Variants in GRM7 observed in about 807,000 individuals in gnomAD.
GRM7 encodes glutamate metabotropic receptor 7.
GRM7 carries 35 observed loss-of-function variants against 84.5 expected under a neutral mutation model. The observed-to-expected ratio is 0.41, with a 90% CI of 0.32 to 0.55. GRM7 has a LOEUF of 0.55. Ranked by LOEUF, GRM7 falls within the 20% of genes least tolerant of loss-of-function variation. The pLI, the probability that GRM7 is intolerant of heterozygous loss-of-function variation, is 0.19. For synonymous variants in GRM7, 487 were observed against 455.1 expected, an observed-to-expected ratio of 1.07 and a Z score of -0.89; for missense variants, 1,003 against 1,194.6, an observed-to-expected ratio of 0.84 and a Z score of 2.36.
chr3:7,690,404 T>C (rs1460752480), intron 9 of GRM7, among the ~76,000 whole-genome samples: 1 of 152,128 alleles, frequency 6.6e-6, no homozygotes, highest in African/African-American at 2.4e-5. Flanking sequence ...TAATAAATAT[T>C]ATAAAAATAA....
chr3:7,300,884 G>T (rs549754978), intron 3 of GRM7, among the ~76,000 whole-genome samples: 4 of 152,028 alleles, frequency 2.6e-5, no homozygotes, highest in African/African-American at 7.2e-5. Context: ...TGCTTCTTTC[G>T]ACTTGCTTTT....
intron 2 of GRM7, among the ~76,000 whole-genome samples, chr3:7,283,204 A>G (rs927431203): frequency 6.6e-6 from 1 of 152,154 alleles, no homozygotes; most frequent in African/African-American, 2.4e-5. Flanking sequence ...GGCACTGGAC[A>G]CTTCCCAGCT....
chr3:7,660,053 A>T (rs1002855578), intron 8 of GRM7, among the ~76,000 whole-genome samples: 1 of 152,242 alleles, frequency 6.6e-6, no homozygotes, highest in Non-Finnish European at 1.5e-5. Flanking sequence ...ATAGGTAGAT[A>T]AAATATAGGA....
At chr3:7,361,936 G>A (rs1693682265) in intron 4 of GRM7, among the ~76,000 whole-genome samples, 1 of 152,062 alleles carries the variant, frequency 6.6e-6, no homozygotes, top group Non-Finnish European at 1.5e-5. Flanking sequence ...TAGAACTGGA[G>A]GCTCTCTAGG....
intron 1 of GRM7, among the ~76,000 whole-genome samples, chr3:7,025,805 G>C (rs1456574943): frequency 2.6e-5 from 4 of 152,184 alleles, no homozygotes; most frequent in South Asian, 2.1e-4. Context: ...ACAATTGAGA[G>C]AATGGCACTG....
At chr3:7,039,347 GT>G (rs933639426) in intron 1 of GRM7, among the ~76,000 whole-genome samples, 74 of 152,250 alleles carry the variant, frequency 4.9e-4, no homozygotes, top group African/African-American at 1.7e-3. Flanking sequence ...ATGAGAAAGT[GT>G]TTTTTAAAAA....
chr3:7,587,813 T>G (rs1356596671), intron 8 of GRM7, among the ~76,000 whole-genome samples: 1 of 152,122 alleles, frequency 6.6e-6, no homozygotes, highest in Non-Finnish European at 1.5e-5. Context: ...ACCTGAAGGG[T>G]GCAGAAGAAT....
intron 4 of GRM7, among the ~76,000 whole-genome samples, chr3:7,345,053 T>C (rs1692827403): frequency 6.6e-6 from 1 of 152,098 alleles, no homozygotes; most frequent in Admixed American, 6.6e-5. Context: ...CAGTTATGTG[T>C]CAATTAAAAC....
intron 1 of GRM7, among the ~76,000 whole-genome samples, chr3:6,904,906 A>G (rs979791987): frequency 2.6e-5 from 4 of 151,986 alleles, no homozygotes; most frequent in South Asian, 2.1e-4. Context: ...TTTTTTCTGT[A>G]GAGACTGGGT....
At chr3:7,041,026 G>A (rs1696587154) in intron 1 of GRM7, among the ~76,000 whole-genome samples, 1 of 149,308 alleles carries the variant, frequency 6.7e-6, no homozygotes, top group Non-Finnish European at 1.5e-5. Flanking sequence ...AAGGCTGCAA[G>A]CCATGATCGT....
intron 8 of GRM7, among the ~76,000 whole-genome samples, chr3:7,617,872 A>T (rs1339400544): frequency 1.3e-5 from 2 of 152,128 alleles, no homozygotes; most frequent in Admixed American, 6.6e-5. Context: ...CAACCCATCA[A>T]TCAATAAATA....
At chr3:6,945,902 G>A (rs1176462768) in intron 1 of GRM7, among the ~76,000 whole-genome samples, 4 of 151,914 alleles carry the variant, frequency 2.6e-5, no homozygotes, top group Non-Finnish European at 5.9e-5. Context: ...CCACTTTTTG[G>A]TGGGGTTGTT....
intron 4 of GRM7, among the ~76,000 whole-genome samples, chr3:7,324,576 C>T (rs567338288): frequency 2.0e-5 from 3 of 152,242 alleles, no homozygotes; most frequent in South Asian, 4.2e-4. Flanking sequence ...CCTCAAGTGA[C>T]CTAGTTCGTC....
At chr3:6,865,730 A>G (rs574427654) in intron 1 of GRM7, among the ~76,000 whole-genome samples, 11 of 152,192 alleles carry the variant, frequency 7.2e-5, no homozygotes, top group Non-Finnish European at 1.5e-4. Context: ...TTTTGGGATA[A>G]TATTTTATAC....
chr3:7,053,398 A>G (rs1178291474), intron 1 of GRM7, among the ~76,000 whole-genome samples: 1 of 151,582 alleles, frequency 6.6e-6, no homozygotes, highest in African/African-American at 2.4e-5. Context: ...AAAATGTTGA[A>G]GAAGTCCAAT....
At chr3:6,926,947 A>G (rs373315852) in intron 1 of GRM7, among the ~76,000 whole-genome samples, 1 of 152,230 alleles carries the variant, frequency 6.6e-6, no homozygotes, top group Non-Finnish European at 1.5e-5. Context: ...GAGCCAAAAT[A>G]GACTTTTAGA....
chr3:7,506,383 T>G (rs1032036568), intron 7 of GRM7, among the ~76,000 whole-genome samples: 1 of 152,336 alleles, frequency 6.6e-6, no homozygotes, highest in South Asian at 2.1e-4. Context: ...CGAATCACTC[T>G]TGATGCCCCA....
intron 8 of GRM7, among the ~76,000 whole-genome samples, chr3:7,649,513 T>C (rs2125112690): frequency 6.6e-6 from 1 of 152,348 alleles, no homozygotes; most frequent in Admixed American, 6.5e-5. Context: ...GTTATTTTTG[T>C]CTCTTGCGAT....
intron 1 of GRM7, among the ~76,000 whole-genome samples, chr3:6,873,143 C>A (rs908967998): frequency 6.6e-6 from 1 of 152,154 alleles, no homozygotes; most frequent in African/African-American, 2.4e-5. Flanking sequence ...GCGATCTCGG[C>A]TCACTGCAAC....
Sources: gnomAD v4.1 joint callset for allele counts (sites outside exome capture counted in the v4.1 genomes callset) on GRCh38, gnomAD v4.1.1 for gene constraint, MANE v1.5 for transcripts, NCBI Gene and HGNC (gene_info 2026-07-23, HGNC 2026-07-21) for gene names.